Variants in LCP1 observed in about 807,000 individuals in gnomAD.
LCP1 encodes the protein plastin-2.
In LCP1, 23 loss-of-function variants were observed where a neutral mutation model predicts 72.0. The observed-to-expected ratio is 0.32, with a 90% confidence interval of 0.23 to 0.45. The LOEUF is 0.45. Ranked by LOEUF, LCP1 falls within the 20% of genes least tolerant of loss-of-function variation. The pLI is 1.00. For missense variants in LCP1, 571 were observed against 748.3 expected (o/e 0.76, Z 2.76); for synonymous variants, 245 against 275.4 (o/e 0.89, Z 1.09).
intron 5 of LCP1, among the ~76,000 whole-genome samples, chr13:46,155,756 T>C (rs776933690): frequency 6.6e-6 from 1 of 152,166 alleles, no homozygotes. Flanking sequence ...AGGCCTCCCG[T>C]GGGTAGGATG....
At chr13:46,159,769 T>C (rs1318396591) in intron 1 of LCP1, 83 bp from the exon 2 acceptor site, 7 of 783,182 alleles carry the variant, frequency 8.9e-6, no homozygotes, top group Non-Finnish European at 1.5e-5. Context: ...TCCCATTTAT[T>C]ACATGAAGAA....
At chr13:46,179,970 TTCTC>T (rs143449455) in intron 1 of LCP1, among the ~76,000 whole-genome samples, 6 of 151,130 alleles carry the variant, frequency 4.0e-5, no homozygotes, top group Admixed American at 2.0e-4. Flanking sequence ...AAAGTTTTTC[TTCTC>T]TCTCTCTCTC....
At chr13:46,133,172 A>C (rs531747030) in intron 14 of LCP1, among the ~76,000 whole-genome samples, 75 of 152,376 alleles carry the variant, frequency 4.9e-4, no homozygotes, top group African/African-American at 1.8e-3. Context: ...TGAGCATTTT[A>C]CATGTCACCA....
At position 46,130,867 on chromosome 13, in the gene LCP1, A is replaced by G. The variant is rs767339296; in HGVS notation, c.1698T>C (p.Tyr566=). ...TCAGATTTTCTGTCTTCAGAAGGTC[A>G]TAGTTAATGGAACCTGGTTGGATGG... is the stretch of plus-strand genomic sequence containing the variant. The part of the protein sequence containing the change: ...IDAIQPGSIN[Y]DLLKTENLND... Residue 566 remains tyrosine, a synonymous_variant, in exon 15 of 16, where the codon TAT becomes TAC. Coordinates refer to ENST00000323076, the MANE Select transcript of LCP1 (RefSeq NM_002298.5). 5 of 1,613,664 alleles carry G rather than the reference A, an allele frequency of 3.1e-6. No individual in the cohort carries two copies. The highest frequency in any genetic ancestry group is 4.2e-6 in the Non-Finnish European group (5 of 1,179,820).
At chr13:46,158,746 T>C in intron 3 of LCP1, 80 bp downstream of exon 3, 1 of 1,601,240 alleles carries the variant, frequency 6.2e-7, no homozygotes, top group Non-Finnish European at 8.5e-7. Flanking sequence ...AGGTAAGGAA[T>C]GTCTTTCTGG....
At chr13:46,136,855 T>C (rs879704697) in intron 13 of LCP1, among the ~76,000 whole-genome samples, 1 of 152,216 alleles carries the variant, frequency 6.6e-6, no homozygotes, top group Non-Finnish European at 1.5e-5. Context: ...TCTCTTGTCC[T>C]GAGACCTAGT....
At chr13:46,163,650 A>C (rs1236540212) in intron 1 of LCP1, among the ~76,000 whole-genome samples, 1 of 150,470 alleles carries the variant, frequency 6.6e-6, no homozygotes, top group African/African-American at 2.5e-5. Context: ...AAAAAAAAAA[A>C]AACAATGAGT....
chr13:46,142,677 C>T (rs2045705629), intron 12 of LCP1: 1 of 569,350 alleles, frequency 1.8e-6, no homozygotes, highest in Non-Finnish European at 3.3e-6. Flanking sequence ...TGAATATGTT[C>T]ACAGCTATAT....
chr13:46,176,875 T>TTGTGTGTGTGTGTG (rs58990974), intron 1 of LCP1, among the ~76,000 whole-genome samples: 68 of 143,846 alleles, frequency 4.7e-4, no homozygotes, highest in African/African-American at 1.6e-3. Context: ...GTGTGTTTAT[T>TTGTGTGTGTGTGTG]TGTGTGTGTG....
At chr13:46,131,442 T>C (rs1419636545) in intron 14 of LCP1, among the ~76,000 whole-genome samples, 1 of 152,198 alleles carries the variant, frequency 6.6e-6, no homozygotes, top group Non-Finnish European at 1.5e-5. Context: ...GGAAAGCAGT[T>C]TGGAGTTTTC....
intron 13 of LCP1, among the ~76,000 whole-genome samples, chr13:46,135,795 C>A (rs1217913433): frequency 6.7e-6 from 1 of 149,608 alleles, no homozygotes; most frequent in Non-Finnish European, 1.5e-5. Flanking sequence ...TGGCCCATGG[C>A]CCAGGCTGGA....
chr13:46,175,845 T>C (rs936562884), intron 1 of LCP1, among the ~76,000 whole-genome samples: 2 of 152,192 alleles, frequency 1.3e-5, no homozygotes, highest in Non-Finnish European at 2.9e-5. Flanking sequence ...AAAAGAGTGC[T>C]CAACAGTGCA....
chr13:46,129,093 A>C (rs2045618782), intron 15 of LCP1, among the ~76,000 whole-genome samples: 1 of 152,254 alleles, frequency 6.6e-6, no homozygotes, highest in Non-Finnish European at 1.5e-5. Context: ...CCCCATTATA[A>C]AACACAGAGG....
At chr13:46,179,072 T>C (rs2404966) in intron 1 of LCP1, among the ~76,000 whole-genome samples, 1,654 of 152,314 alleles carry the variant, frequency 0.011, 21 homozygotes, top group African/African-American at 0.038. Flanking sequence ...CATTATTGGG[T>C]ATATAGTTTT....
intron 5 of LCP1, 98 bp downstream of exon 5, chr13:46,156,340 A>G: frequency 7.1e-7 from 1 of 1,413,148 alleles, no homozygotes; most frequent in Non-Finnish European, 9.9e-7. Flanking sequence ...GGTGCAGCTG[A>G]GCACCAAACA....
At chr13:46,141,604 A>T (rs1287676424) in intron 13 of LCP1, among the ~76,000 whole-genome samples, 1 of 152,144 alleles carries the variant, frequency 6.6e-6, no homozygotes, top group Non-Finnish European at 1.5e-5. Flanking sequence ...GTACGGAAAG[A>T]AAAAACTATC....
intron 8 of LCP1, 140 bp from the exon 9 acceptor site, chr13:46,148,587 T>A: frequency 3.1e-6 from 2 of 636,618 alleles, no homozygotes; most frequent in South Asian, 3.9e-5. Flanking sequence ...GCTAGAAACA[T>A]TCACTAATTT....
intron 1 of LCP1, among the ~76,000 whole-genome samples, chr13:46,175,307 A>G (rs1175166799): frequency 1.3e-5 from 2 of 152,134 alleles, no homozygotes; most frequent in African/African-American, 4.8e-5. Flanking sequence ...GGGGAAAATA[A>G]CCCACATCAC....
chr13:46,134,379 A>C (rs1333554154), intron 13 of LCP1, 129 bp from the exon 14 acceptor site: 2 of 717,194 alleles, frequency 2.8e-6, no homozygotes, highest in East Asian at 5.4e-5. Context: ...ATTACATTTG[A>C]GAGAAAAAAA....
Sources: gnomAD v4.1 joint callset for allele counts (sites outside exome capture counted in the v4.1 genomes callset) on GRCh38, gnomAD v4.1.1 for gene constraint, MANE v1.5 for transcripts, NCBI Gene and HGNC (gene_info 2026-07-23, HGNC 2026-07-21) for gene names.